WDPCP: variants seen among roughly 807,000 people sequenced by gnomAD.
WDPCP encodes the protein WD repeat-containing and planar cell polarity effector protein fritz homolog.
A neutral mutation model predicts 93.1 loss-of-function variants in WDPCP; 71 were observed. That is an observed-to-expected ratio of 0.76 (90% CI 0.63 to 0.93). The LOEUF is 0.93. Ranked by LOEUF, WDPCP falls within the 40% of genes least tolerant of loss-of-function variation. The probability of loss-of-function intolerance (pLI) is 0.00; values close to 1 mark genes in which losing one functional copy is unlikely to be tolerated. For missense variants in WDPCP, 844 were observed against 887.4 expected (o/e 0.95, Z 0.62); for synonymous variants, 315 against 315.0 (o/e 1.00, Z 0.00).
chr2:63,466,521 CAA>C (rs1195448294), intron 6 of WDPCP, among the ~76,000 whole-genome samples: 1 of 152,050 alleles, frequency 6.6e-6, no homozygotes, highest in Non-Finnish European at 1.5e-5. Context: ...ACATTTAATA[CAA>C]AGTTATAAAT....
At chr2:63,230,234 C>T (rs1316343865) in intron 14 of WDPCP, among the ~76,000 whole-genome samples, 1 of 152,064 alleles carries the variant, frequency 6.6e-6, no homozygotes, top group East Asian at 1.9e-4. Flanking sequence ...TGGTTTCCAG[C>T]TTCATCCATG....
intron 14 of WDPCP, among the ~76,000 whole-genome samples, chr2:63,243,698 A>T (rs1180641942): frequency 6.6e-6 from 1 of 152,118 alleles, no homozygotes; most frequent in Non-Finnish European, 1.5e-5. Flanking sequence ...GGAGCTCCCA[A>T]ATTCATAAAA....
intron 15 of WDPCP, among the ~76,000 whole-genome samples, chr2:63,166,593 A>G (rs1446154198): frequency 6.7e-6 from 1 of 150,212 alleles, no homozygotes; most frequent in Non-Finnish European, 1.5e-5. Context: ...GGGTTTCGCC[A>G]TATTTGCCGA....
chr2:63,491,965 T>TC (rs1700905069), intron 2 of WDPCP, among the ~76,000 whole-genome samples: 1 of 152,210 alleles, frequency 6.6e-6, no homozygotes, highest in Non-Finnish European at 1.5e-5. Context: ...GTTTATACCT[T>TC]CTTTATTTTT....
At position 63,486,543 on chromosome 2, in the gene WDPCP, C is replaced by A. The variant is rs201399904; in HGVS notation, c.252G>T (p.Glu84Asp). The A allele has an allele frequency of 6.8e-5, 107 of 1,571,978 alleles. No homozygotes were observed. The East Asian group carries it at 2.4e-3, about 35-fold the overall frequency. The change falls in exon 4 of 18, where the codon GAG becomes GAT. Residue 84 changes from glutamate (E) to aspartate (D), a missense_variant and splice_region_variant. By Grantham distance (45) the Glu-to-Asp change is conservative. Transcript: ENST00000272321. Reference sequence around the variant, plus strand: ...CCAAAAAATATAAAGTAAGCTTACACTCTGCCAGCTTCTGCTTCTTTTCTA... The same window carrying A: ...CCAAAAAATATAAAGTAAGCTTACAATCTGCCAGCTTCTGCTTCTTTTCTA... ...GNLEKKQKLA[E>D]SRDYPWTLKN...
At position 63,413,267 on chromosome 2, in the gene WDPCP, G is replaced by A. The variant is rs1575365573; in HGVS notation, c.826-8610C>T. Among the ~76,000 whole-genome samples, 4 of 152,238 alleles carry A rather than the reference G, an allele frequency of 2.6e-5. No homozygotes were observed. The South Asian group carries it at 8.3e-4, about 32-fold the overall frequency. On this transcript the variant is annotated intron_variant, in intron 9 of 17. Transcript: ENST00000272321. ...GACAAAGCATACAAAAACATACAGTGGGAAAAGGACACCCTATTCAACAAA... is the reference window on the plus strand; with the variant it reads ...GACAAAGCATACAAAAACATACAGTAGGAAAAGGACACCCTATTCAACAAA...
intron 9 of WDPCP, among the ~76,000 whole-genome samples, chr2:63,428,202 TGAG>T (rs1320035263): frequency 6.8e-6 from 1 of 147,174 alleles, no homozygotes; most frequent in African/African-American, 2.5e-5. Context: ...AAAAAAAAAT[TGAG>T]GAGGAGGGAC....
At chr2:63,668,720 T>C (rs1189815341) in intron 2 of WDPCP, among the ~76,000 whole-genome samples, 2 of 152,180 alleles carry the variant, frequency 1.3e-5, no homozygotes, top group African/African-American at 4.8e-5. Context: ...AACTGAAGAC[T>C]TCGATTCTTT....
rs1437341406 is a variant in WDPCP at position 63,120,690 on chromosome 2, C to T, written c.*1316G>A. Among the ~76,000 whole-genome samples, 1 of 145,336 alleles carries T rather than the reference C, an allele frequency of 6.9e-6. No individual in the cohort carries two copies. The highest frequency in any genetic ancestry group is 1.5e-5 in the Non-Finnish European group (1 of 64,834). On this transcript the variant is annotated 3_prime_UTR_variant, in exon 18 of 18. Coordinates refer to ENST00000272321, the MANE Select transcript of WDPCP (RefSeq NM_015910.7). ...TACAGGTGCACGCCACCACGCCCGG[C>T]TAATTTTTTTTTTTTTTGTATTTTT...
At chr2:63,494,117 G>C (rs1427402480) in intron 1 of WDPCP, among the ~76,000 whole-genome samples, 1 of 152,052 alleles carries the variant, frequency 6.6e-6, no homozygotes, top group African/African-American at 2.4e-5. Context: ...GAACTAATGA[G>C]ATATAGTATG....
At chr2:63,124,090 T>A (rs954104688) in intron 17 of WDPCP, among the ~76,000 whole-genome samples, 55 of 151,288 alleles carry the variant, frequency 3.6e-4, no homozygotes, top group African/African-American at 1.3e-3. Context: ...TAGATAGGCA[T>A]GAAGTTTTTT....
intron 14 of WDPCP, among the ~76,000 whole-genome samples, chr2:63,236,054 T>C (rs1318652665): frequency 6.6e-6 from 1 of 152,180 alleles, no homozygotes; most frequent in Admixed American, 6.6e-5. Flanking sequence ...CTCTCTTTGC[T>C]GATAATATGA....
chr2:63,694,109 T>C (rs1575749274), intron 2 of WDPCP, among the ~76,000 whole-genome samples: 1 of 152,322 alleles, frequency 6.6e-6, no homozygotes, highest in Non-Finnish European at 1.5e-5. Context: ...GCAAAACTTA[T>C]GAACAGAGGG....
chr2:63,439,929 T>TA (rs1024552094), intron 6 of WDPCP, 58 bp from the exon 7 acceptor site: 6 of 1,308,272 alleles, frequency 4.6e-6, no homozygotes, highest in African/African-American at 1.4e-5. Flanking sequence ...TTAGAATCTT[T>TA]AAAAAACCTC....
intron 1 of WDPCP, among the ~76,000 whole-genome samples, chr2:63,534,212 A>G (rs1055838827): frequency 2.0e-5 from 3 of 152,222 alleles, no homozygotes; most frequent in African/African-American, 7.2e-5. Context: ...AATTGAGGCA[A>G]TAATTAATAG....
chr2:63,487,557 G>A, intron 2 of WDPCP, 63 bp from the exon 3 acceptor site: 2 of 1,238,370 alleles, frequency 1.6e-6, no homozygotes, highest in Non-Finnish European at 2.4e-6. Flanking sequence ...AAGAAGCCAA[G>A]CCATACTATA....
chr2:63,732,421 A>G (rs1669575602), intron 2 of WDPCP, among the ~76,000 whole-genome samples: 1 of 152,240 alleles, frequency 6.6e-6, no homozygotes, highest in African/African-American at 2.4e-5. Flanking sequence ...TTGTAAATAT[A>G]GAAGAGGGGT....
At chr2:63,289,913 G>A (rs971058377) in intron 13 of WDPCP, among the ~76,000 whole-genome samples, 5 of 151,502 alleles carry the variant, frequency 3.3e-5, no homozygotes, top group African/African-American at 4.8e-5. Context: ...ACTGTTTGCA[G>A]GATATATATT....
intron 17 of WDPCP, among the ~76,000 whole-genome samples, chr2:63,124,294 C>T (rs1574657965): frequency 6.6e-6 from 1 of 151,266 alleles, no homozygotes; most frequent in South Asian, 2.1e-4. Context: ...GAAGACTGAT[C>T]TTCATTTTTT....
Sources: allele counts gnomAD v4.1 joint callset (sites outside exome capture counted in the v4.1 genomes callset), GRCh38; gene constraint gnomAD v4.1.1; transcripts MANE v1.5; gene names NCBI Gene and HGNC (gene_info 2026-07-23, HGNC 2026-07-21).